Variants in RNF180 observed in about 807,000 individuals in gnomAD.
RNF180 encodes the protein ring finger protein 180.
RNF180 carries 38 observed loss-of-function variants against 59.2 expected under a neutral mutation model. The observed-to-expected ratio is 0.64, with a 90% CI of 0.50 to 0.84. RNF180 has a LOEUF of 0.84. Among genes scored for constraint, RNF180 ranks in the 40% least tolerant of loss-of-function variants. The pLI is 0.00. For synonymous variants in RNF180, 262 were observed against 240.3 expected (o/e 1.09, Z -0.84); for missense variants, 705 against 700.9 (o/e 1.01, Z -0.07).
At chr5:64,281,653 CA>C (rs1742015927) in intron 5 of RNF180, among the ~76,000 whole-genome samples, 3 of 152,114 alleles carry the variant, frequency 2.0e-5, no homozygotes, top group Non-Finnish European at 4.4e-5. Flanking sequence ...TATGCGCCAC[CA>C]TGCCTGGCTA....
chr5:64,325,669 T>G (rs575640016), intron 6 of RNF180, among the ~76,000 whole-genome samples: 62 of 152,326 alleles, frequency 4.1e-4, no homozygotes, highest in African/African-American at 1.4e-3. Flanking sequence ...CTTGGACATT[T>G]CTAGTGTTAA....
intron 1 of RNF180, among the ~76,000 whole-genome samples, chr5:64,169,034 C>T (rs930744245): frequency 1.3e-5 from 2 of 152,122 alleles, no homozygotes; most frequent in Admixed American, 6.5e-5. Context: ...AGTGTTAAAG[C>T]AGAAGGGGCT....
chr5:64,331,363 A>G (rs1266100888), intron 7 of RNF180, among the ~76,000 whole-genome samples: 1 of 152,236 alleles, frequency 6.6e-6, no homozygotes, highest in Non-Finnish European at 1.5e-5. Context: ...TCTGTGGACC[A>G]GAGTGAGAAC....
intron 5 of RNF180, among the ~76,000 whole-genome samples, chr5:64,272,751 T>A (rs901000008): frequency 7.2e-5 from 11 of 151,958 alleles, no homozygotes; most frequent in African/African-American, 2.4e-4. Flanking sequence ...GAAAAGGATT[T>A]ACTAAGTTGG....
rs973222085 is a variant in RNF180 at position 64,213,927 on chromosome 5, A to G, written c.601A>G (p.Lys201Glu). 1.9e-6 allele frequency: 3 copies of G among 1,613,976 alleles called. No homozygotes were observed. The highest frequency in any genetic ancestry group is 2.7e-5 in the African/African-American group (2 of 74,924). ...GATGAAGAACGAAAAACTGCTGTCCAAAGCATCAGAACCAAAATACCAGCT... is the reference window on the plus strand; with the variant it reads ...GATGAAGAACGAAAAACTGCTGTCCGAAGCATCAGAACCAAAATACCAGCT... ...FEMKNEKLLSKASEPKYQLFV... is the reference protein window; with the variant it reads ...FEMKNEKLLSEASEPKYQLFV... Residue 201 changes from lysine (K) to glutamate (E), a missense_variant, in exon 4 of 8, where the codon AAA (lysine) becomes GAA (glutamate). Lys to Glu is a moderately conservative substitution (Grantham distance 56, BLOSUM62 1). Transcript: ENST00000389100.
At chr5:64,238,424 A>G (rs1450962498) in intron 5 of RNF180, among the ~76,000 whole-genome samples, 2 of 152,196 alleles carry the variant, frequency 1.3e-5, no homozygotes, top group African/African-American at 2.4e-5. Context: ...ACTCTTCTCT[A>G]TAGTGGCTAT....
At chr5:64,238,661 C>T (rs1742596311) in intron 5 of RNF180, among the ~76,000 whole-genome samples, 1 of 152,074 alleles carries the variant, frequency 6.6e-6, no homozygotes, top group South Asian at 2.1e-4. Context: ...CTATTCAGTC[C>T]TTAGCCCATT....
intron 7 of RNF180, among the ~76,000 whole-genome samples, chr5:64,343,772 A>G (rs75385242): frequency 0.042 from 6,357 of 151,600 alleles, 182 homozygotes; most frequent in Non-Finnish European, 0.064. Flanking sequence ...TATCCAGCAA[A>G]AATATCCTTA....
At chr5:64,228,763 T>G (rs1741926226) in intron 5 of RNF180, among the ~76,000 whole-genome samples, 1 of 152,086 alleles carries the variant, frequency 6.6e-6, no homozygotes, top group African/African-American at 2.4e-5. Context: ...CTCACCTTTG[T>G]TCTCCTTGTA....
intron 7 of RNF180, among the ~76,000 whole-genome samples, chr5:64,335,472 T>G (rs568133364): frequency 2.0e-5 from 3 of 152,084 alleles, no homozygotes; most frequent in African/African-American, 7.2e-5. Flanking sequence ...TTTTATTGAT[T>G]TACTTTCTTT....
chr5:64,294,032 C>G (rs1742746810), intron 5 of RNF180, among the ~76,000 whole-genome samples: 1 of 152,146 alleles, frequency 6.6e-6, no homozygotes, highest in Non-Finnish European at 1.5e-5. Flanking sequence ...GGCCTACATA[C>G]TTCAAAATGA....
In RNF180 at chr5:64,321,037, C is replaced by CA. The variant is rs113880901; in HGVS notation, c.1228-4138dup. On this transcript the variant is annotated intron_variant, in intron 5 of 7. Transcript: ENST00000389100. ...TGGGGAACAGAGCGAGACTCCGTCT[C>CA]AAAAAAAAAAAGGGAAAGAAAAATT... 7.4e-4 allele frequency among the ~76,000 whole-genome samples: 107 copies of CA among 144,584 alleles called. 1 individual carries two copies. The East Asian group carries it at 9.2e-3, about 12-fold the overall frequency. 94.9% of individuals were successfully genotyped at this position (144,584 alleles called of 152,430 possible).
At chr5:64,230,488 A>G (rs1742036028) in intron 5 of RNF180, among the ~76,000 whole-genome samples, 1 of 152,198 alleles carries the variant, frequency 6.6e-6, no homozygotes, top group South Asian at 2.1e-4. Flanking sequence ...CATCTTTCTC[A>G]CAATGTCATC....
chr5:64,353,215 G>GA (rs1745885490), intron 7 of RNF180, among the ~76,000 whole-genome samples: 1 of 151,436 alleles, frequency 6.6e-6, no homozygotes, highest in African/African-American at 2.4e-5. Flanking sequence ...ATTAACAGAA[G>GA]AAAAAACCTT....
Position 64,214,011 on chromosome 5 carries a change from CAT to C in RNF180, c.687_688del (p.His229GlnfsTer8), listed in dbSNP as rs1275399435. 3 of 1,614,116 alleles carry C rather than the reference CAT, an allele frequency of 1.9e-6. No individual in the cohort carries two copies. In the East Asian group the frequency reaches 6.7e-5, roughly 36 times the overall value. On this transcript the variant is annotated frameshift_variant, in exon 4 of 8. Transcript: ENST00000389100. LOFTEE classifies it high-confidence loss of function. ...TACAAGAGCTTTTCATAGAAAATCA[CAT>C]AGTTTGGATCTGAACATCAGTGAGA... ...CATRAFHRKS[H>X]SLDLNISEKL...
At chr5:64,217,432 A>AT in intron 5 of RNF180, 36 bp downstream of exon 5, 1 of 1,374,624 alleles carries the variant, frequency 7.3e-7, no homozygotes, top group Non-Finnish European at 9.4e-7. Context: ...AAATTGTCAA[A>AT]TTGTTTTCCA....
At chr5:64,279,292 A>G (rs1173964497) in intron 5 of RNF180, among the ~76,000 whole-genome samples, 1 of 152,232 alleles carries the variant, frequency 6.6e-6, no homozygotes, top group Non-Finnish European at 1.5e-5. Flanking sequence ...CAATTGGGTC[A>G]CAGATTTTTG....
chr5:64,266,740 G>A (rs927260636), intron 5 of RNF180, among the ~76,000 whole-genome samples: 10 of 152,108 alleles, frequency 6.6e-5, no homozygotes, highest in African/African-American at 2.4e-4. Flanking sequence ...TCAAAATTAA[G>A]GGGAGGGAGT....
intron 5 of RNF180, among the ~76,000 whole-genome samples, chr5:64,261,544 A>G (rs1241179157): frequency 2.6e-5 from 4 of 152,316 alleles, no homozygotes; most frequent in Middle Eastern, 3.4e-3. Context: ...AATATTTTAA[A>G]TATTTCCTAT....
Sources: allele counts gnomAD v4.1 joint callset (sites outside exome capture counted in the v4.1 genomes callset), GRCh38; gene constraint gnomAD v4.1.1; transcripts MANE v1.5; gene names NCBI Gene and HGNC (gene_info 2026-07-23, HGNC 2026-07-21).